MCCC1: variants seen among roughly 807,000 people sequenced by gnomAD.
MCCC1 encodes the protein methylcrotonoyl-CoA carboxylase subunit alpha, mitochondrial.
In MCCC1, 64 loss-of-function variants were observed where a neutral mutation model predicts 83.8. The observed-to-expected ratio is 0.76, with a 90% CI of 0.62 to 0.94. The LOEUF is 0.94. Ranked by LOEUF, MCCC1 falls within the 40% of genes least tolerant of loss-of-function variation. The pLI, the probability that MCCC1 is intolerant of heterozygous loss-of-function variation, is 0.00. For synonymous variants in MCCC1, 322 were observed against 315.4 expected, an observed-to-expected ratio of 1.02 and a Z score of -0.22; for missense variants, 807 against 904.7, an observed-to-expected ratio of 0.89 and a Z score of 1.39.
At chr3:183,101,607 A>G (rs1190849259), upstream of MCCC1, among the ~76,000 whole-genome samples, 1 of 152,196 alleles carries the variant, frequency 6.6e-6, no homozygotes, top group East Asian at 1.9e-4. Context: ...CACCCTGACA[A>G]AACAGGCCAC....
intron 4 of MCCC1, among the ~76,000 whole-genome samples, chr3:183,083,615 T>A (rs1045548473): frequency 7.2e-5 from 11 of 152,206 alleles, no homozygotes; most frequent in African/African-American, 2.7e-4. Flanking sequence ...GCAACTAACA[T>A]GATACTATTC....
intron 14 of MCCC1, among the ~76,000 whole-genome samples, chr3:183,027,768 T>C (rs1249866598): frequency 2.0e-5 from 3 of 152,150 alleles, no homozygotes; most frequent in African/African-American, 4.8e-5. Flanking sequence ...CCAAAGTCAA[T>C]CCAGAGCAAG....
intron 2 of MCCC1, among the ~76,000 whole-genome samples, chr3:183,093,892 T>A (rs964805298): frequency 7.5e-4 from 114 of 152,284 alleles, no homozygotes; most frequent in Middle Eastern, 6.8e-3. Context: ...AAAAAAGGTT[T>A]TGCTACTTAA....
chr3:183,069,385 G>C (rs1716486610), intron 7 of MCCC1, among the ~76,000 whole-genome samples: 1 of 152,142 alleles, frequency 6.6e-6, no homozygotes, highest in South Asian at 2.1e-4. Context: ...ATAAGCTATT[G>C]ATGTCTCCAC....
At chr3:183,111,491 G>T (rs893575716) in intron 1 of MCCC1, among the ~76,000 whole-genome samples, 1 of 152,120 alleles carries the variant, frequency 6.6e-6, no homozygotes, top group Admixed American at 6.5e-5. Context: ...GTAGACATGG[G>T]GTTTTGCCAT....
intron 18 of MCCC1, 183 bp downstream of exon 18, chr3:183,017,083 A>G: frequency 3.2e-6 from 2 of 616,022 alleles, no homozygotes; most frequent in East Asian, 2.8e-5. Flanking sequence ...GCAATTTCAC[A>G]AAGTTAAAGT....
At position 183,094,571 on chromosome 3, in the gene MCCC1, T is replaced by C. The variant is rs773887269; in HGVS notation, c.124A>G (p.Thr42Ala). ...AGTCTGTCAGTACCTGTGGCTGTTG[T>C]GTACTTCATGGTTCTTTGCCTCCAC... ...WVWRQRTMKY[T>A]TATGRNITKV... Residue 42 changes from threonine (T) to alanine (A), a missense_variant, in exon 2 of 19, where the codon ACA becomes GCA. Thr to Ala is a moderately conservative substitution (Grantham distance 58). Coordinates refer to ENST00000265594, the MANE Select transcript of MCCC1 (RefSeq NM_020166.5). The C allele has an allele frequency of 5.6e-6, 9 of 1,614,052 alleles. 1 individual carries two copies. In the South Asian group the frequency reaches 7.7e-5, roughly 14 times the overall value.
chr3:183,044,920 T>TGTTGTC, intron 10 of MCCC1, among the ~76,000 whole-genome samples: 1 of 151,282 alleles, frequency 6.6e-6, no homozygotes, highest in East Asian at 1.9e-4. Flanking sequence ...TTGTTGTTGT[T>TGTTGTC]GTTGTCGTTG....
chr3:183,021,467 G>T (rs1712158190), intron 16 of MCCC1, among the ~76,000 whole-genome samples: 1 of 152,176 alleles, frequency 6.6e-6, no homozygotes, highest in African/African-American at 2.4e-5. Flanking sequence ...CAATCTGCCT[G>T]CCTTGGCCTC....
At chr3:183,067,069 G>T (rs188231698) in intron 7 of MCCC1, among the ~76,000 whole-genome samples, 5 of 152,286 alleles carry the variant, frequency 3.3e-5, no homozygotes, top group African/African-American at 9.6e-5. Context: ...GGAGAAACTG[G>T]TTATTTTACC....
chr3:183,019,683 T>C (rs887209457), intron 17 of MCCC1, among the ~76,000 whole-genome samples: 8 of 152,236 alleles, frequency 5.3e-5, no homozygotes, highest in Admixed American at 6.5e-5. Context: ...CTGTGAATTA[T>C]ATACTGCATT....
Position 183,062,993 on chromosome 3 carries a change from T to TTTCCTATTTACATTTCCTATTTCCTA in MCCC1, c.762-5572_762-5571insTAGGAAATAGGAAATGTAAATAGGAA, listed in dbSNP as rs1715962918. Among the ~76,000 whole-genome samples the TTTCCTATTTACATTTCCTATTTCCTA allele has an allele frequency of 2.0e-5, 3 of 151,142 alleles. No homozygotes were observed. In the South Asian group the frequency reaches 6.3e-4, roughly 32 times the overall value. ...AACATATCCATTTTCCTATTTACAT[T>TTTCCTATTTACATTTCCTATTTCCTA]TTTTTTTTAAGACAGAGTCTTGCTC... On this transcript the variant is annotated intron_variant, in intron 7 of 18. Transcript: ENST00000265594.
At chr3:183,049,274 G>GA (rs1209494065) in intron 9 of MCCC1, among the ~76,000 whole-genome samples, 2 of 151,944 alleles carry the variant, frequency 1.3e-5, no homozygotes, top group South Asian at 2.1e-4. Context: ...AAAATCAATA[G>GA]AAAAAAATCA....
chr3:183,035,629 C>T (rs989904826), intron 13 of MCCC1, among the ~76,000 whole-genome samples: 1 of 151,258 alleles, frequency 6.6e-6, no homozygotes, highest in Non-Finnish European at 1.5e-5. Flanking sequence ...CATGTTAGTG[C>T]TGAAAAAGCT....
intron 3 of MCCC1, among the ~76,000 whole-genome samples, chr3:183,087,604 G>A (rs1717983849): frequency 1.3e-5 from 2 of 152,096 alleles, no homozygotes; most frequent in South Asian, 4.1e-4. Context: ...GGCCGGGCAT[G>A]GTGGCTCACG....
intron 15 of MCCC1, 124 bp from the exon 16 acceptor site, chr3:183,022,678 C>T: frequency 1.2e-6 from 1 of 851,408 alleles, no homozygotes; most frequent in Non-Finnish European, 1.8e-6. Flanking sequence ...ACATATATAA[C>T]ATATATTTTT....
rs746076193 is a variant in MCCC1, at chr3:183,064,239, C to T, written c.761+6760G>A. Among the ~76,000 whole-genome samples, 3 of 150,710 alleles carry T rather than the reference C, an allele frequency of 2.0e-5. No individual in the cohort carries two copies. Among genetic ancestry groups the T allele is most frequent in the Non-Finnish European group, 4.4e-5 (3 of 67,756 alleles). On this transcript the variant is annotated intron_variant, in intron 7 of 18. Transcript: ENST00000265594. This position sits in a 1 kb window ranked among gnomAD's most constrained non-coding sequence, Gnocchi z 4.5. ...GCTTTTACCTCCCTAAAAGGAGAAACTTGAGAGCTGATGGGACTGCTAGAA... is the reference window on the plus strand; with the variant it reads ...GCTTTTACCTCCCTAAAAGGAGAAATTTGAGAGCTGATGGGACTGCTAGAA...
chr3:183,059,928 T>C (rs923052561), intron 7 of MCCC1, among the ~76,000 whole-genome samples: 7 of 152,204 alleles, frequency 4.6e-5, no homozygotes, highest in Non-Finnish European at 8.8e-5. Context: ...TTTCTTTTCC[T>C]GCATTTGAAG....
chr3:183,036,840 A>AT (rs1236678654), intron 13 of MCCC1, among the ~76,000 whole-genome samples: 2 of 151,862 alleles, frequency 1.3e-5, no homozygotes, highest in Non-Finnish European at 2.9e-5. Context: ...CGCCCAGCTA[A>AT]TTTTTTGTAT....
Sources: allele counts gnomAD v4.1 joint callset (sites outside exome capture counted in the v4.1 genomes callset), GRCh38; gene constraint gnomAD v4.1.1; non-coding constraint Gnocchi (gnomAD v3.1); transcripts MANE v1.5; gene names NCBI Gene and HGNC (gene_info 2026-07-23, HGNC 2026-07-21).